Variants in RARB observed in about 807,000 individuals in gnomAD.
The protein encoded by RARB is HBV-activated protein.
Under a neutral mutation model 51.9 loss-of-function variants are expected in RARB, and 17 were observed. The ratio of observed to expected loss-of-function variants is 0.33; its 90% CI spans 0.22 to 0.49. The LOEUF (loss-of-function observed/expected upper bound fraction) is 0.49. Ranked by LOEUF, RARB falls within the 20% of genes least tolerant of loss-of-function variation. The pLI, the probability that RARB is intolerant of heterozygous loss-of-function variation, is 0.99. For synonymous variants in RARB, 215 were observed against 195.4 expected, an observed-to-expected ratio of 1.10 and a Z score of -0.84; for missense variants, 369 against 550.8, an observed-to-expected ratio of 0.67 and a Z score of 3.30.
At chr3:25,425,366 G>A (rs534665753), upstream of RARB, among the ~76,000 whole-genome samples, 4 of 152,236 alleles carry the variant, frequency 2.6e-5, no homozygotes, top group East Asian at 7.7e-4. Flanking sequence ...TTCAAGAAGT[G>A]TAAGCATTTA....
intron 4 of RARB, among the ~76,000 whole-genome samples, chr3:25,572,169 G>A (rs1053654049): frequency 6.6e-6 from 1 of 152,164 alleles, no homozygotes; most frequent in Non-Finnish European, 1.5e-5. Context: ...TGCAATGGTG[G>A]ACTGTGTTGA....
At chr3:25,400,497 T>A (rs1250279311) in intron 5 of RARB, among the ~76,000 whole-genome samples, 2 of 152,110 alleles carry the variant, frequency 1.3e-5, no homozygotes, top group Non-Finnish European at 2.9e-5. Context: ...AGAAAGAAGG[T>A]CTCAATATTC....
intron 2 of RARB, among the ~76,000 whole-genome samples, chr3:24,950,949 A>G (rs1288276180): frequency 6.6e-6 from 1 of 152,118 alleles, no homozygotes; most frequent in Non-Finnish European, 1.5e-5. Context: ...ACACTTCTAG[A>G]TGGTCTCAGG....
At chr3:25,429,239 C>T (rs557809798) in intron 1 of RARB, among the ~76,000 whole-genome samples, 7 of 152,262 alleles carry the variant, frequency 4.6e-5, no homozygotes, top group African/African-American at 1.7e-4. Context: ...ACACATTTTG[C>T]AGTTTTTACT....
intron 3 of RARB, among the ~76,000 whole-genome samples, chr3:25,547,950 T>G (rs1185403046): frequency 6.6e-6 from 1 of 152,188 alleles, no homozygotes; most frequent in African/African-American, 2.4e-5. Context: ...TCATTTCTGT[T>G]GGAAGTAAGT....
rs375925957 is a variant in RARB at position 25,450,302 on chromosome 3, CTAA to C, written c.158-10884_158-10882del. Among the ~76,000 whole-genome samples, 84 of 152,238 alleles carry C rather than the reference CTAA, an allele frequency of 5.5e-4. 1 individual carries two copies. Among genetic ancestry groups the C allele is most frequent in the African/African-American group, 1.7e-3 (71 of 41,532 alleles). ...ATAATAAATAATAATTAATAAATTT[CTAA>C]TAATAAAGCATTAGCTATTATTTTT... On this transcript the variant is annotated intron_variant, in intron 1 of 7. Coordinates refer to ENST00000330688, the MANE Select transcript of RARB (RefSeq NM_000965.5).
chr3:24,975,814 C>T (rs1274882570), intron 2 of RARB, among the ~76,000 whole-genome samples: 1 of 151,968 alleles, frequency 6.6e-6, no homozygotes, highest in Non-Finnish European at 1.5e-5. Context: ...TACACGTGCA[C>T]AACGTGCAGG....
intron 3 of RARB, among the ~76,000 whole-genome samples, chr3:25,524,822 T>A (rs113704042): frequency 6.6e-6 from 1 of 152,048 alleles, no homozygotes; most frequent in Non-Finnish European, 1.5e-5. Flanking sequence ...CTCTGCCTCC[T>A]GGGTTCAAGT....
At chr3:24,989,025 C>T in intron 2 of RARB, among the ~76,000 whole-genome samples, 1 of 152,118 alleles carries the variant, frequency 6.6e-6, no homozygotes, top group East Asian at 1.9e-4. Flanking sequence ...AGGGTTTCAC[C>T]ACGTTGGCCA....
intron 2 of RARB, among the ~76,000 whole-genome samples, chr3:25,039,399 T>C (rs1396326018): frequency 6.6e-6 from 1 of 152,182 alleles, no homozygotes; most frequent in Non-Finnish European, 1.5e-5. Flanking sequence ...TGGGAAAGCT[T>C]GGTAAGAAGT....
chr3:25,133,226 C>G (rs759969812), intron 4 of RARB, among the ~76,000 whole-genome samples: 27 of 151,948 alleles, frequency 1.8e-4, no homozygotes, highest in Non-Finnish European at 3.1e-4. Context: ...TTGAACGTCT[C>G]CACATTTAAA....
chr3:25,481,898 T>G (rs1696240580), intron 2 of RARB, among the ~76,000 whole-genome samples: 1 of 152,198 alleles, frequency 6.6e-6, no homozygotes, highest in Non-Finnish European at 1.5e-5. Context: ...TATTAACAAA[T>G]TTAATATTCA....
chr3:24,989,642 T>C lies in RARB; in HGVS notation c.-379-70483T>C, dbSNP rs932710425. ...ATTATCTCATCTTTTATTTCTCTTA[T>C]TTACTCTTTTCTTTTTAGACATTTT... On this transcript the variant is annotated intron_variant, in intron 2 of 11. Transcript: ENST00000383772. Among the ~76,000 whole-genome samples the C allele has an allele frequency of 9.2e-4, 99 of 108,114 alleles. 33 individuals carry two copies. The highest frequency in any genetic ancestry group is 3.2e-3 in the African/African-American group (89 of 27,578). The allele number at this position is 108,114 out of a possible 152,430, so 70.9% of individuals were successfully genotyped here.
chr3:25,194,289 T>G (rs1053835076), intron 5 of RARB, among the ~76,000 whole-genome samples: 2 of 151,748 alleles, frequency 1.3e-5, no homozygotes, highest in Non-Finnish European at 2.9e-5. Flanking sequence ...TTGTGTAGCA[T>G]GAATAAGCCT....
intron 2 of RARB, among the ~76,000 whole-genome samples, chr3:24,988,267 T>A (rs1696836589): frequency 6.6e-6 from 1 of 152,208 alleles, no homozygotes; most frequent in Non-Finnish European, 1.5e-5. Flanking sequence ...GTAAAAGCCA[T>A]GCTTTGAGCT....
At chr3:24,866,953 G>A (rs1329431279) in intron 2 of RARB, among the ~76,000 whole-genome samples, 1 of 152,068 alleles carries the variant, frequency 6.6e-6, no homozygotes, top group Non-Finnish European at 1.5e-5. Flanking sequence ...AATCACAGGG[G>A]TGTGGGAAAT....
At chr3:25,307,146 C>T (rs1704172301) in intron 5 of RARB, among the ~76,000 whole-genome samples, 1 of 152,084 alleles carries the variant, frequency 6.6e-6, no homozygotes, top group African/African-American at 2.4e-5. Flanking sequence ...CAGGATGAGG[C>T]AGGCGGATCA....
At chr3:25,564,343 TA>T (rs1700398039) in intron 3 of RARB, among the ~76,000 whole-genome samples, 1 of 152,228 alleles carries the variant, frequency 6.6e-6, no homozygotes, top group Non-Finnish European at 1.5e-5. Context: ...CTTGATATTT[TA>T]TGGAGCACCT....
intron 2 of RARB, among the ~76,000 whole-genome samples, chr3:25,488,215 T>A (rs541097543): frequency 1.3e-5 from 2 of 152,358 alleles, no homozygotes; most frequent in Non-Finnish European, 2.9e-5. Context: ...TTCCTACACC[T>A]GCCTGTGAAC....
Sources: gnomAD v4.1 joint callset for allele counts (sites outside exome capture counted in the v4.1 genomes callset) on GRCh38, gnomAD v4.1.1 for gene constraint, MANE v1.5 for transcripts, NCBI Gene and HGNC (gene_info 2026-07-23, HGNC 2026-07-21) for gene names.